Variants in ASH1L observed in about 807,000 individuals in gnomAD.
ASH1L encodes histone-lysine N-methyltransferase ASH1L.
A neutral mutation model predicts 269.0 loss-of-function variants in ASH1L; 23 were observed. That is an observed-to-expected ratio of 0.09 (90% CI 0.06 to 0.12). ASH1L has a LOEUF of 0.12. ASH1L is among the 10% of genes least tolerant of loss of function. ASH1L has a pLI of 1.00. For missense variants in ASH1L, 2,912 were observed against 3,567.8 expected, an observed-to-expected ratio of 0.82 and a Z score of 4.68; for synonymous variants, 1,187 against 1,253.5, an observed-to-expected ratio of 0.95 and a Z score of 1.12.
At chr1:155,426,395 G>A (rs913152408) in intron 5 of ASH1L, among the ~76,000 whole-genome samples, 1 of 152,048 alleles carries the variant, frequency 6.6e-6, no homozygotes, top group Non-Finnish European at 1.5e-5. Flanking sequence ...TAGAGACGGG[G>A]TTTCACCGTG....
intron 3 of ASH1L, among the ~76,000 whole-genome samples, chr1:155,469,579 C>T (rs1558137920): frequency 6.6e-6 from 1 of 152,220 alleles, no homozygotes; most frequent in African/African-American, 2.4e-5. Flanking sequence ...AATAAAGTAT[C>T]TATAATTATC....
At chr1:155,537,939 C>T (rs1670165805) in intron 1 of ASH1L, among the ~76,000 whole-genome samples, 2 of 152,152 alleles carry the variant, frequency 1.3e-5, no homozygotes, top group Non-Finnish European at 2.9e-5. Context: ...ACCAGACTTC[C>T]AGATGTTGGA....
At chr1:155,465,103 G>A (rs910437466) in intron 3 of ASH1L, among the ~76,000 whole-genome samples, 7 of 151,964 alleles carry the variant, frequency 4.6e-5, no homozygotes, top group African/African-American at 1.7e-4. Flanking sequence ...AGATGCCTGG[G>A]TGTGAAGACA....
intron 6 of ASH1L, among the ~76,000 whole-genome samples, chr1:155,399,814 A>C (rs145153075): frequency 5.7e-4 from 87 of 152,324 alleles, no homozygotes; most frequent in African/African-American, 1.9e-3. Flanking sequence ...TGAAGTAGGG[A>C]AGGTAGTTCA....
intron 1 of ASH1L, among the ~76,000 whole-genome samples, chr1:155,554,400 G>A (rs1440052527): frequency 6.6e-6 from 1 of 152,038 alleles, no homozygotes; most frequent in East Asian, 1.9e-4. Context: ...AGCCTCCCGA[G>A]TAGCTGGGAT....
chr1:155,374,125 T>G (rs1248099874), intron 10 of ASH1L, among the ~76,000 whole-genome samples: 2 of 152,102 alleles, frequency 1.3e-5, no homozygotes, highest in Non-Finnish European at 2.9e-5. Context: ...GGTCAGGAGT[T>G]CGAGATCAGC....
intron 7 of ASH1L, 114 bp from the exon 8 acceptor site, chr1:155,380,230 C>A (rs1374073293): frequency 5.4e-6 from 4 of 734,608 alleles, no homozygotes; most frequent in East Asian, 2.7e-5. Flanking sequence ...AGATTTAATT[C>A]TTTAAGGATT....
chr1:155,374,202 G>C (rs753748471), intron 10 of ASH1L, among the ~76,000 whole-genome samples: 1 of 152,064 alleles, frequency 6.6e-6, no homozygotes, highest in Non-Finnish European at 1.5e-5. Flanking sequence ...GGTGGCAACT[G>C]TAATCCCAGC....
At chr1:155,418,506 G>C (rs1354025393) in intron 5 of ASH1L, among the ~76,000 whole-genome samples, 1 of 151,904 alleles carries the variant, frequency 6.6e-6, no homozygotes, top group Non-Finnish European at 1.5e-5. Flanking sequence ...CAGAATCTTA[G>C]AATCCCGGGA....
chr1:155,543,635 T>A (rs534686073), intron 1 of ASH1L, among the ~76,000 whole-genome samples: 1 of 151,326 alleles, frequency 6.6e-6, no homozygotes, highest in East Asian at 2.0e-4. Flanking sequence ...ATTCTTTGCA[T>A]CATAAACAAA....
intron 10 of ASH1L, among the ~76,000 whole-genome samples, chr1:155,374,645 T>C (rs933468083): frequency 6.6e-6 from 1 of 152,216 alleles, no homozygotes; most frequent in African/African-American, 2.4e-5. Context: ...CCTTCCTTTT[T>C]TGGCTTTCCT....
At chr1:155,454,430 T>G (rs1309396439) in intron 4 of ASH1L, among the ~76,000 whole-genome samples, 8 of 152,216 alleles carry the variant, frequency 5.3e-5, no homozygotes. Flanking sequence ...GGAAGCATTT[T>G]CTGATTAACT....
At chr1:155,391,903 C>G (rs1284369082) in intron 7 of ASH1L, among the ~76,000 whole-genome samples, 1 of 151,944 alleles carries the variant, frequency 6.6e-6, no homozygotes, top group East Asian at 1.9e-4. Flanking sequence ...CTGCAGTGAG[C>G]CAAGATTGCA....
chr1:155,406,573 G>A (rs181164422), intron 6 of ASH1L, among the ~76,000 whole-genome samples: 1 of 152,218 alleles, frequency 6.6e-6, no homozygotes, highest in East Asian at 1.9e-4. Flanking sequence ...GTGTGGTGGT[G>A]AATGCCTATA....
rs1258625087 is a variant in ASH1L at position 155,479,379 on chromosome 1, G to A, written c.3491C>T (p.Pro1164Leu). 6.2e-7 allele frequency: 1 copy of A among 1,614,064 alleles called. No individual in the cohort carries two copies. The highest frequency in any genetic ancestry group is 8.5e-7 in the Non-Finnish European group (1 of 1,179,938). ...ASKGRRRLSPPTLLPNSPSHL... is the reference protein window; with the variant it reads ...ASKGRRRLSPLTLLPNSPSHL... ...CGAAGGAGAATTTGGCAACAAAGTAGGAGGAGATAACCGCCTCCTCCCCTT... is the reference window on the plus strand; with the variant it reads ...CGAAGGAGAATTTGGCAACAAAGTAAGAGGAGATAACCGCCTCCTCCCCTT... The change falls in exon 3 of 28, where the codon CCT (proline) becomes CTT (leucine). Residue 1164 changes from proline (P) to leucine (L), a missense_variant. Physicochemically the swap from Pro to Leu is moderately conservative, Grantham distance 98 (BLOSUM62 -3). Around this residue, in one of 13 missense-constraint regions of ASH1L, gnomAD observed 157 missense variants for 154.6 expected, o/e 1.02. Coordinates refer to ENST00000392403, the MANE Select transcript of ASH1L (RefSeq NM_018489.3).
chr1:155,434,037 AG>A (rs1190839628), intron 5 of ASH1L: 2 of 1,591,260 alleles, frequency 1.3e-6, no homozygotes, highest in South Asian at 2.3e-5. Flanking sequence ...CAGAAAGGCA[AG>A]CAATCAAGCA....
intron 12 of ASH1L, among the ~76,000 whole-genome samples, chr1:155,363,972 C>CA (rs1442150764): frequency 6.7e-6 from 1 of 149,028 alleles, no homozygotes; most frequent in East Asian, 2.0e-4. Context: ...GACTCTGTCT[C>CA]AAAAAAACAA....
chr1:155,357,126 T>G (rs1293540962), intron 15 of ASH1L, among the ~76,000 whole-genome samples, 190 bp downstream of exon 15: 3 of 16,980 alleles, frequency 1.8e-4, no homozygotes, highest in Non-Finnish European at 2.2e-4. Context: ...CACAAAAGGG[T>G]AAGACTTAAA....
intron 2 of ASH1L, among the ~76,000 whole-genome samples, chr1:155,503,357 A>G (rs1667629824): frequency 6.6e-6 from 1 of 152,192 alleles, no homozygotes; most frequent in African/African-American, 2.4e-5. Context: ...TGTACCTCCT[A>G]AACTCTGACT....
Sources: allele counts gnomAD v4.1 joint callset (sites outside exome capture counted in the v4.1 genomes callset), GRCh38; gene constraint gnomAD v4.1.1; regional missense constraint gnomAD v4.1.1; transcripts MANE v1.5; gene names NCBI Gene and HGNC (gene_info 2026-07-23, HGNC 2026-07-21).